The following R3HDM4 variants were observed in gnomAD, a reference collection of about 807,000 sequenced individuals.
The protein encoded by R3HDM4 is R3H domain containing 4.
A neutral mutation model predicts 31.3 loss-of-function variants in R3HDM4; 30 were observed. The observed-to-expected ratio is 0.96, with a 90% CI of 0.72 to 1.30. The LOEUF (loss-of-function observed/expected upper bound fraction) is 1.30. R3HDM4 is among the 50% of genes most tolerant of loss of function. The pLI is 0.00. For synonymous variants in R3HDM4, 196 were observed against 156.6 expected (o/e 1.25, Z -1.88); for missense variants, 444 against 366.1 (o/e 1.21, Z -1.74).
chr19:900,206 G>T, intron 4 of R3HDM4, 60 bp from the exon 5 acceptor site: 1 of 1,348,210 alleles, frequency 7.4e-7, no homozygotes, highest in Non-Finnish European at 1.0e-6. Flanking sequence ...CTGCCCACCT[G>T]CCAGACCACG....
Position 901,509 on chromosome 19 carries a change from GC to G in R3HDM4, c.263del (p.Gly88AlafsTer36). ...AGTCCCCATCCTCCAGGCCAGGCAG[GC>G]CCCCGTCTGTCTCCAGCAGGGTCAG... ...YLLTLLETDG[G>X]LPGLEDGDLA... On this transcript the variant is annotated frameshift_variant, in exon 3 of 8. Coordinates refer to ENST00000361574, the MANE Select transcript of R3HDM4 (RefSeq NM_138774.4). LOFTEE classifies it high-confidence loss of function. 1.2e-6 allele frequency: 2 copies of G among 1,608,362 alleles called. No individual in the cohort carries two copies.
intron 1 of R3HDM4, among the ~76,000 whole-genome samples, chr19:903,025 G>A (rs2965299): frequency 0.16 from 24,655 of 152,200 alleles, 2,172 homozygotes; most frequent in Non-Finnish European, 0.2. Context: ...CACACAGCAG[G>A]TGAATGACCA....
intron 1 of R3HDM4, among the ~76,000 whole-genome samples, chr19:902,832 C>G (rs1202698204): frequency 6.6e-6 from 1 of 152,072 alleles, no homozygotes; most frequent in Non-Finnish European, 1.5e-5. Flanking sequence ...TCTCAGCTTA[C>G]TCAGGAGGCT....
At chr19:901,004 G>A in intron 3 of R3HDM4, 52 bp from the exon 4 acceptor site, 1 of 1,509,566 alleles carries the variant, frequency 6.6e-7, no homozygotes, top group Non-Finnish European at 8.9e-7. Flanking sequence ...GGGCTGCGCT[G>A]ACATCCCCGG....
In R3HDM4 at chr19:903,817, G is replaced by A. The variant is rs143157098; in HGVS notation, c.72-1687C>T. Among the ~76,000 whole-genome samples the A allele has an allele frequency of 2.2e-3, 338 of 152,188 alleles. 5 individuals carry two copies. The East Asian group carries it at 0.049, about 22-fold the overall frequency. ...TGTCATCCCAGCACTTTGGGAGGCC[G>A]AGGCGGGCGGATCATGAGGTCAGGA... On this transcript the variant is annotated intron_variant, in intron 1 of 7. Transcript: ENST00000361574.
chr19:900,940 A>G lies in R3HDM4; in HGVS notation c.364T>C (p.Phe122Leu), dbSNP rs375543424. Residue 122 changes from phenylalanine to leucine, a missense_variant, in exon 4 of 8, where the codon TTC (phenylalanine) becomes CTC (leucine). Coordinates refer to ENST00000361574, the MANE Select transcript of R3HDM4 (RefSeq NM_138774.4). ...TGCTCCTCCCCGGAGCGGTTCATGAAATCGTTCCAGACCTGGAAGAGAGGC... is the reference window on the plus strand; with the variant it reads ...TGCTCCTCCCCGGAGCGGTTCATGAGATCGTTCCAGACCTGGAAGAGAGGC... Reference protein sequence around the residue: ...NATYVEVWNDFMNRSGEEQER... With the variant: ...NATYVEVWNDLMNRSGEEQER... 6.2e-7 allele frequency: 1 copy of G among 1,604,316 alleles called. No homozygotes were observed. The highest frequency in any genetic ancestry group is 1.3e-5 in the African/African-American group (1 of 74,324).
rs1488213839 is a variant in R3HDM4, at chr19:901,906, T to C, written c.226+70A>G. On this transcript the variant is annotated intron_variant, in intron 2 of 7. Coordinates refer to ENST00000361574, the MANE Select transcript of R3HDM4 (RefSeq NM_138774.4). The stretch of plus-strand genomic sequence containing the variant: ...CACAGCTCATGGGAGGGGTAACAGA[T>C]AACACCAATATGCATGCCATTCTAC... 3 of 1,577,680 alleles carry C rather than the reference T, an allele frequency of 1.9e-6. No homozygotes were observed. In the African/African-American group the frequency reaches 4.0e-5, roughly 21 times the overall value.
At chr19:903,997 G>A (rs1411273543) in intron 1 of R3HDM4, among the ~76,000 whole-genome samples, 2 of 152,048 alleles carry the variant, frequency 1.3e-5, no homozygotes, top group African/African-American at 4.8e-5. Context: ...CTTGCAGTGA[G>A]CCGAGATCGT....
At chr19:908,568 A>G (rs1414323102) in intron 1 of R3HDM4, among the ~76,000 whole-genome samples, 1 of 152,052 alleles carries the variant, frequency 6.6e-6, no homozygotes, top group Non-Finnish European at 1.5e-5. Context: ...CGAGATCACA[A>G]CACTGCACTC....
rs1282525681 is a variant in R3HDM4, at chr19:897,270, GT to G, written c.*166del. On this transcript the variant is annotated 3_prime_UTR_variant, in exon 8 of 8. Transcript: ENST00000361574. ...TGGGCAGCCCCAGCCGCCAGCGTCT[GT>G]TGACTGCCAAGAGCTGCGTGAGGAG... 8 of 564,472 alleles carry G rather than the reference GT, an allele frequency of 1.4e-5. No homozygotes were observed. Among genetic ancestry groups the G allele is most frequent in the Non-Finnish European group, 2.2e-5 (7 of 323,826 alleles). 35.0% of individuals were successfully genotyped at this position (564,472 alleles called of 1,614,324 possible). A position where few individuals can be genotyped will look rare whatever the true frequency, so the allele number is the denominator to read the frequency against.
intron 1 of R3HDM4, among the ~76,000 whole-genome samples, chr19:905,218 A>G (rs2036887463): frequency 6.6e-6 from 1 of 151,088 alleles, no homozygotes; most frequent in South Asian, 2.1e-4. Flanking sequence ...AAAAAAAAAA[A>G]GTACGCTGGG....
At chr19:906,591 CA>C (rs1448048486) in intron 1 of R3HDM4, among the ~76,000 whole-genome samples, 1 of 152,050 alleles carries the variant, frequency 6.6e-6, no homozygotes, top group African/African-American at 2.4e-5. Context: ...TACTCAGAGC[CA>C]AAAGGGCCTG....
chr19:898,361 C>T (rs1450011710), intron 7 of R3HDM4, among the ~76,000 whole-genome samples: 2 of 141,148 alleles, frequency 1.4e-5, no homozygotes, highest in African/African-American at 2.7e-5. Context: ...GCTGAGATCG[C>T]GCCACTGCAC....
intron 1 of R3HDM4, among the ~76,000 whole-genome samples, chr19:908,105 T>C (rs2036928592): frequency 6.6e-6 from 1 of 151,788 alleles, no homozygotes; most frequent in African/African-American, 2.4e-5. Flanking sequence ...GGCAGGAGAA[T>C]CGCTTGGACC....
rs1002384102 is a variant in R3HDM4 at position 913,048 on chromosome 19, G to GCC, written c.71+37_71+38dup. The GCC allele has an allele frequency of 6.3e-6, 5 of 788,366 alleles. No individual in the cohort carries two copies. The South Asian group carries it at 2.2e-4, about 35-fold the overall frequency. 48.8% of individuals were successfully genotyped at this position (788,366 alleles called of 1,614,324 possible). On this transcript the variant is annotated intron_variant, in intron 1 of 7. Coordinates refer to ENST00000361574, the MANE Select transcript of R3HDM4 (RefSeq NM_138774.4). This position sits in a 1 kb window ranked among gnomAD's most constrained non-coding sequence, Gnocchi z 5.0. ...GATCTCAGGGGAGGGAGCCCAGCCC[G>GCC]CCCCCGGCGCCCGCCGCGCCCCGCC... is the stretch of plus-strand genomic sequence containing the variant.
chr19:902,441 A>G (rs1385147549), intron 1 of R3HDM4: 1 of 206,738 alleles, frequency 4.8e-6, no homozygotes, highest in Non-Finnish European at 9.7e-6. Flanking sequence ...AAGACTATGA[A>G]AAAAAAAAAA....
chr19:904,498 A>C (rs2036878823), intron 1 of R3HDM4, among the ~76,000 whole-genome samples: 1 of 152,120 alleles, frequency 6.6e-6, no homozygotes, highest in Non-Finnish European at 1.5e-5. Flanking sequence ...CCCCCAAAAG[A>C]CTGGAAAACG....
chr19:900,052 C>T lies in R3HDM4; in HGVS notation c.561+9G>A. 1 of 1,611,678 alleles carries T rather than the reference C, an allele frequency of 6.2e-7. No homozygotes were observed. Among genetic ancestry groups the T allele is most frequent in the Non-Finnish European group, 8.5e-7 (1 of 1,179,098 alleles). On this transcript the variant is annotated intron_variant, in intron 5 of 7. Coordinates refer to ENST00000361574, the MANE Select transcript of R3HDM4 (RefSeq NM_138774.4). The stretch of plus-strand genomic sequence containing the variant: ...GTAGAAAAGGGAGGCCCGGCAATCC[C>T]CCACTCACCATGGGGATGCGGCTGC...
chr19:910,398 C>G (rs1316768445), intron 1 of R3HDM4, among the ~76,000 whole-genome samples: 1 of 151,324 alleles, frequency 6.6e-6, no homozygotes, highest in Non-Finnish European at 1.5e-5. Flanking sequence ...GCAGGAGGAT[C>G]GCCTGAGCCC....
Sources: gnomAD v4.1 joint callset for allele counts (sites outside exome capture counted in the v4.1 genomes callset) on GRCh38, gnomAD v4.1.1 for gene constraint, Gnocchi (gnomAD v3.1) non-coding constraint, MANE v1.5 for transcripts, NCBI Gene and HGNC (gene_info 2026-07-23, HGNC 2026-07-21) for gene names.